SLIT2: variants seen among roughly 807,000 people sequenced by gnomAD.
SLIT2 encodes slit homolog 2 protein.
SLIT2 carries 41 observed loss-of-function variants against 185.7 expected under a neutral mutation model. That is an observed-to-expected ratio of 0.22 (90% CI 0.17 to 0.29). The LOEUF is 0.29. Among genes scored for constraint, SLIT2 ranks in the 10% least tolerant of loss-of-function variants. The pLI, the probability that SLIT2 is intolerant of heterozygous loss-of-function variation, is 1.00. For synonymous variants in SLIT2, 693 were observed against 680.2 expected, an observed-to-expected ratio of 1.02 and a Z score of -0.29; for missense variants, 1,571 against 1,909.0, an observed-to-expected ratio of 0.82 and a Z score of 3.30.
chr4:20,487,000 A>G (rs1717304787), intron 7 of SLIT2, among the ~76,000 whole-genome samples: 1 of 151,750 alleles, frequency 6.6e-6, no homozygotes. Context: ...AAACTTCTTG[A>G]AAAAAAAGTG....
intron 26 of SLIT2, among the ~76,000 whole-genome samples, chr4:20,565,987 A>G (rs1725059644): frequency 6.6e-6 from 1 of 151,994 alleles, no homozygotes; most frequent in Non-Finnish European, 1.5e-5. Flanking sequence ...TGGCCACCAT[A>G]TTTATTCATG....
At chr4:20,612,826 G>A (rs570266515) in intron 34 of SLIT2, among the ~76,000 whole-genome samples, 1 of 150,814 alleles carries the variant, frequency 6.6e-6, no homozygotes, top group South Asian at 2.1e-4. Context: ...ACTGAGGCAG[G>A]AGAATGGCAT....
chr4:20,430,802 C>T (rs6447961), intron 4 of SLIT2, among the ~76,000 whole-genome samples: 112,028 of 152,170 alleles, frequency 0.74, 41,631 homozygotes, highest in African/African-American at 0.83. Context: ...AGGCCTTTGC[C>T]TTCCTTAAAG....
At chr4:20,420,036 C>T (rs922254808) in intron 4 of SLIT2, among the ~76,000 whole-genome samples, 5 of 152,260 alleles carry the variant, frequency 3.3e-5, no homozygotes, top group East Asian at 1.9e-4. Flanking sequence ...CCAGGCACTT[C>T]AAATGGTAGA....
chr4:20,406,468 A>AT (rs1047720151), intron 4 of SLIT2, among the ~76,000 whole-genome samples: 3 of 143,898 alleles, frequency 2.1e-5, no homozygotes, highest in African/African-American at 7.3e-5. Flanking sequence ...AAATAACCCA[A>AT]TAAAAACGAA....
intron 29 of SLIT2, among the ~76,000 whole-genome samples, chr4:20,573,007 G>A (rs1252024692): frequency 6.6e-6 from 1 of 152,186 alleles, no homozygotes; most frequent in Non-Finnish European, 1.5e-5. Context: ...TCCATCACCT[G>A]GTTTAGACGC....
intron 4 of SLIT2, among the ~76,000 whole-genome samples, chr4:20,338,257 C>G (rs769434336): frequency 6.6e-6 from 1 of 152,146 alleles, no homozygotes; most frequent in Non-Finnish European, 1.5e-5. Context: ...ATCTCTGTTG[C>G]TGAACAGGGA....
chr4:20,555,139 A>C (rs1724138599), intron 26 of SLIT2, among the ~76,000 whole-genome samples: 1 of 152,110 alleles, frequency 6.6e-6, no homozygotes, highest in African/African-American at 2.4e-5. Context: ...AAAATGTTAA[A>C]TGTCTAATCA....
intron 4 of SLIT2, among the ~76,000 whole-genome samples, chr4:20,383,772 G>A (rs1275126840): frequency 2.6e-5 from 4 of 151,820 alleles, no homozygotes; most frequent in African/African-American, 7.3e-5. Context: ...GCACAATCTC[G>A]GCTCACTGCA....
chr4:20,607,563 A>C (rs1392889074), intron 33 of SLIT2, among the ~76,000 whole-genome samples: 1 of 152,170 alleles, frequency 6.6e-6, no homozygotes, highest in Non-Finnish European at 1.5e-5. Flanking sequence ...AAGGAGCAAT[A>C]AGCAAAGTGA....
chr4:20,361,324 C>T (rs1722729975), intron 4 of SLIT2, among the ~76,000 whole-genome samples: 1 of 152,050 alleles, frequency 6.6e-6, no homozygotes, highest in South Asian at 2.1e-4. Flanking sequence ...ACCCGTCCAC[C>T]CATCTACCCA....
At chr4:20,574,942 G>GAAAACAAA (rs1327204312) in intron 29 of SLIT2, among the ~76,000 whole-genome samples, 1 of 152,074 alleles carries the variant, frequency 6.6e-6, no homozygotes. Flanking sequence ...AAAACAAATG[G>GAAAACAAA]TTTCATATTT....
chr4:20,360,957 G>A (rs1025698117), intron 4 of SLIT2, among the ~76,000 whole-genome samples: 6 of 152,064 alleles, frequency 3.9e-5, no homozygotes, highest in African/African-American at 1.4e-4. Context: ...AAATTGAGGG[G>A]GAGAAATGAA....
rs374789996 is a variant in SLIT2 at position 20,280,936 on chromosome 4, G to A, written c.395+12055G>A. ...CAACCTCCGCCTCCTGGGTTCAAGC[G>A]ATTCTCCTACCTAAACTTCCTGAGT... On this transcript the variant is annotated intron_variant, in intron 4 of 36. Coordinates refer to ENST00000504154, the MANE Select transcript of SLIT2 (RefSeq NM_004787.4). Among the ~76,000 whole-genome samples, 41 of 151,456 alleles carry A rather than the reference G, an allele frequency of 2.7e-4. 1 individual carries two copies. The South Asian group carries it at 2.9e-3, about 11-fold the overall frequency.
At chr4:20,377,458 G>T (rs967473746) in intron 4 of SLIT2, among the ~76,000 whole-genome samples, 2 of 152,050 alleles carry the variant, frequency 1.3e-5, no homozygotes, top group Non-Finnish European at 2.9e-5. Context: ...GTAATCATAA[G>T]CCCTACCCTC....
At chr4:20,596,745 A>G in intron 32 of SLIT2, 90 bp downstream of exon 32, 1 of 1,313,288 alleles carries the variant, frequency 7.6e-7, no homozygotes, top group Non-Finnish European at 1.0e-6. Context: ...AATGATTGAT[A>G]GTATGTCTTA....
chr4:20,589,884 C>T (rs980731286), intron 30 of SLIT2, 147 bp downstream of exon 30: 44 of 408,714 alleles, frequency 1.1e-4, no homozygotes, highest in African/African-American at 2.6e-4. Flanking sequence ...TTTTAAATGT[C>T]GATATACAAT....
At chr4:20,455,104 A>G (rs905630468) in intron 4 of SLIT2, among the ~76,000 whole-genome samples, 4 of 152,190 alleles carry the variant, frequency 2.6e-5, no homozygotes, top group Non-Finnish European at 4.4e-5. Flanking sequence ...ATGGATACAC[A>G]TATGTGGTGA....
chr4:20,281,064 C>T (rs556650776), intron 4 of SLIT2, among the ~76,000 whole-genome samples: 13 of 152,180 alleles, frequency 8.5e-5, no homozygotes, highest in African/African-American at 3.1e-4. Flanking sequence ...AACTTCACAC[C>T]TCAGGTGATC....
Sources: allele counts gnomAD v4.1 joint callset (sites outside exome capture counted in the v4.1 genomes callset), GRCh38; gene constraint gnomAD v4.1.1; transcripts MANE v1.5; gene names NCBI Gene and HGNC (gene_info 2026-07-23, HGNC 2026-07-21).